Variants in PLEKHA5 observed in about 807,000 individuals in gnomAD.
PLEKHA5 encodes pleckstrin homology domain containing A5.
PLEKHA5 carries 55 observed loss-of-function variants against 181.9 expected under a neutral mutation model. The observed-to-expected ratio is 0.30, with a 90% CI of 0.24 to 0.38. The LOEUF (loss-of-function observed/expected upper bound fraction) is 0.38. PLEKHA5 is among the 10% of genes least tolerant of loss of function. The pLI is 1.00. For missense variants in PLEKHA5, 1,432 were observed against 1,549.5 expected (o/e 0.92, Z 1.27); for synonymous variants, 535 against 529.4 (o/e 1.01, Z -0.15).
chr12:19,148,989 G>A (rs1314345224), intron 3 of PLEKHA5, among the ~76,000 whole-genome samples: 1 of 152,084 alleles, frequency 6.6e-6, no homozygotes, highest in Admixed American at 6.5e-5. Context: ...ATTATTATTG[G>A]TAGTAGAAGT....
chr12:19,358,372 G>T lies in PLEKHA5; in HGVS notation c.3283G>T (p.Ala1095Ser). Residue 1095 changes from alanine to serine, a missense_variant, in exon 27 of 32, where the codon GCT becomes TCT. By Grantham distance (99) the Ala-to-Ser change is moderately conservative. Around this residue, in one of 2 missense-constraint regions of PLEKHA5, gnomAD observed 1,143 missense variants for 1,168.4 expected, o/e 0.98. Transcript: ENST00000429027. ...EKKKGLNVIG[A>S]SDQSPLQSPS... The stretch of plus-strand genomic sequence containing the variant: ...GAAAAAAGGGTTAAATGTTATCGGT[G>T]CTTCAGACCAGTCACCCTTACAAAG... The T allele has an allele frequency of 1.2e-6, 2 of 1,613,846 alleles. No homozygotes were observed. Among genetic ancestry groups the T allele is most frequent in the Non-Finnish European group, 1.7e-6 (2 of 1,179,872 alleles).
intron 7 of PLEKHA5, 37 bp from the exon 8 acceptor site, chr12:19,265,713 A>G (rs2070139534): frequency 8.3e-7 from 1 of 1,202,464 alleles, no homozygotes; most frequent in Non-Finnish European, 1.2e-6. Context: ...TCATAAGAAC[A>G]TTTAAAATTC....
rs577480172 is a variant in PLEKHA5, at chr12:19,197,069, C to G, written c.228-56871C>G. ...CCCCTGCCCTTCTGTAGAGGTAGCTCTCTTCCCCACTGACTCCACACTGCA... is the reference window on the plus strand; with the variant it reads ...CCCCTGCCCTTCTGTAGAGGTAGCTGTCTTCCCCACTGACTCCACACTGCA... On this transcript the variant is annotated intron_variant, in intron 3 of 31. Coordinates refer to ENST00000429027, the MANE Select transcript of PLEKHA5 (RefSeq NM_001256470.2). Among the ~76,000 whole-genome samples, 8 of 152,238 alleles carry G rather than the reference C, an allele frequency of 5.3e-5. No individual in the cohort carries two copies. In the South Asian group the frequency reaches 1.7e-3, roughly 32 times the overall value.
At chr12:19,242,782 T>A (rs1241477000) in intron 3 of PLEKHA5, among the ~76,000 whole-genome samples, 1 of 152,224 alleles carries the variant, frequency 6.6e-6, no homozygotes, top group East Asian at 1.9e-4. Context: ...TTAAGTCATC[T>A]CTTCTGAGTC....
intron 3 of PLEKHA5, among the ~76,000 whole-genome samples, chr12:19,248,377 T>C (rs901190751): frequency 3.3e-5 from 5 of 152,164 alleles, no homozygotes; most frequent in Non-Finnish European, 5.9e-5. Context: ...TCTGTATTTT[T>C]AGTAGAGACA....
intron 15 of PLEKHA5, among the ~76,000 whole-genome samples, chr12:19,297,628 CAAAA>C (rs934426933): frequency 3.1e-5 from 2 of 63,762 alleles, no homozygotes; most frequent in South Asian, 5.0e-4. Context: ...GGCTCCGTCT[CAAAA>C]AAAAAAAAAA....
chr12:19,359,111 T>C (rs1434803301), intron 27 of PLEKHA5, among the ~76,000 whole-genome samples: 1 of 152,192 alleles, frequency 6.6e-6, no homozygotes, highest in Non-Finnish European at 1.5e-5. Context: ...CCTGTCCTAA[T>C]GAATATCCCC....
chr12:19,292,905 C>A (rs1194035450), intron 15 of PLEKHA5, among the ~76,000 whole-genome samples: 1 of 152,116 alleles, frequency 6.6e-6, no homozygotes, highest in African/African-American at 2.4e-5. Flanking sequence ...CACCACTGCA[C>A]TCCAGCTTGG....
At chr12:19,277,064 A>G (rs1266511909) in intron 11 of PLEKHA5, among the ~76,000 whole-genome samples, 2 of 152,326 alleles carry the variant, frequency 1.3e-5, no homozygotes, top group Non-Finnish European at 2.9e-5. Flanking sequence ...GTTGGATGGA[A>G]TGACAGACAT....
chr12:19,138,322 T>C (rs1010877254), intron 3 of PLEKHA5, among the ~76,000 whole-genome samples: 6 of 151,998 alleles, frequency 3.9e-5, no homozygotes, highest in Non-Finnish European at 7.4e-5. Context: ...CCTGTAATCC[T>C]AGCACCTTGG....
intron 4 of PLEKHA5, 59 bp downstream of exon 4, chr12:19,254,082 T>C: frequency 1.0e-6 from 1 of 971,072 alleles, no homozygotes; most frequent in Non-Finnish European, 1.6e-6. Flanking sequence ...TTGAAATTGC[T>C]GTTATTTATA....
At chr12:19,348,621 G>C in intron 25 of PLEKHA5, 102 bp downstream of exon 25, 1 of 781,392 alleles carries the variant, frequency 1.3e-6, no homozygotes, top group Non-Finnish European at 1.9e-6. Flanking sequence ...TCATATATGA[G>C]TCCAACCCTT....
intron 3 of PLEKHA5, among the ~76,000 whole-genome samples, chr12:19,232,260 T>A (rs1029750417): frequency 6.6e-6 from 1 of 152,156 alleles, no homozygotes. Context: ...TGCTGATTGT[T>A]CCTAATATGT....
Position 19,260,941 on chromosome 12 carries a change from T to C in PLEKHA5, c.538-8T>C. ...GAAATAATCCTTAAATATGCTGATT[T>C]AATCCAGGACAGTACTGGCATGAAA... On this transcript the variant is annotated splice_polypyrimidine_tract_variant and splice_region_variant and intron_variant, in intron 6 of 31. Coordinates refer to ENST00000429027, the MANE Select transcript of PLEKHA5 (RefSeq NM_001256470.2). The C allele has an allele frequency of 6.6e-7, 1 of 1,526,526 alleles. No individual in the cohort carries two copies. The highest frequency in any genetic ancestry group is 9.0e-7 in the Non-Finnish European group (1 of 1,116,782). 94.6% of individuals were successfully genotyped at this position (1,526,526 alleles called of 1,614,324 possible).
intron 3 of PLEKHA5, among the ~76,000 whole-genome samples, chr12:19,145,577 A>G (rs1249529669): frequency 6.6e-6 from 1 of 152,162 alleles, no homozygotes; most frequent in Non-Finnish European, 1.5e-5. Context: ...GTCTTTTCAT[A>G]GTACTGGTTA....
At chr12:19,139,227 A>G (rs1366727720) in intron 3 of PLEKHA5, among the ~76,000 whole-genome samples, 1 of 152,210 alleles carries the variant, frequency 6.6e-6, no homozygotes, top group Non-Finnish European at 1.5e-5. Context: ...CTGAGTGTCT[A>G]CAAGAATGAT....
intron 3 of PLEKHA5, among the ~76,000 whole-genome samples, chr12:19,213,305 GA>G (rs11314206): frequency 0.84 from 126,585 of 150,868 alleles, 54,470 homozygotes; most frequent in Non-Finnish European, 0.95. Context: ...TGGTTTCTTT[GA>G]AAAAAAAAAA....
intron 20 of PLEKHA5, among the ~76,000 whole-genome samples, chr12:19,323,522 A>G (rs1419206849): frequency 6.6e-6 from 1 of 151,718 alleles, no homozygotes; most frequent in Non-Finnish European, 1.5e-5. Context: ...AATCAATAGA[A>G]ATATAAATAG....
chr12:19,166,930 GTA>G (rs978836161), intron 3 of PLEKHA5, among the ~76,000 whole-genome samples: 5 of 152,112 alleles, frequency 3.3e-5, no homozygotes, highest in African/African-American at 1.2e-4. Flanking sequence ...AAACTACAAA[GTA>G]TTATCTTTTT....
Sources: gnomAD v4.1 joint callset for allele counts (sites outside exome capture counted in the v4.1 genomes callset) on GRCh38, gnomAD v4.1.1 for gene constraint, gnomAD v4.1.1 regional missense constraint, MANE v1.5 for transcripts, NCBI Gene and HGNC (gene_info 2026-07-23, HGNC 2026-07-21) for gene names.